Variants in CPZ observed in about 807,000 individuals in gnomAD.
CPZ encodes the protein VEZT/CPZ fusion.
CPZ carries 103 observed loss-of-function variants against 61.8 expected under a neutral mutation model. The ratio of observed to expected loss-of-function variants is 1.67; its 90% CI spans 1.42 to 1.96. The LOEUF is 1.96. Among genes scored for constraint, CPZ ranks in the 30% most tolerant of loss-of-function variants. CPZ has a pLI of 0.00. For missense variants in CPZ, 1,461 were observed against 914.9 expected, an observed-to-expected ratio of 1.60 and a Z score of -7.70; for synonymous variants, 551 against 373.7, an observed-to-expected ratio of 1.47 and a Z score of -5.47.
chr4:8,613,890 G>A (rs1467065363), intron 8 of CPZ, among the ~76,000 whole-genome samples: 1 of 152,244 alleles, frequency 6.6e-6, no homozygotes, highest in Non-Finnish European at 1.5e-5. Flanking sequence ...TTGTCACCAT[G>A]GGGTCTCCAG....
intron 3 of CPZ, 142 bp downstream of exon 3, chr4:8,601,639 A>G: frequency 5.5e-6 from 5 of 909,812 alleles, no homozygotes; most frequent in Non-Finnish European, 7.7e-6. Flanking sequence ...CTGCTCCCCG[A>G]GGCAGCATGT....
At position 8,608,630 on chromosome 4, in the gene CPZ, CTG is replaced by C. The variant is rs564954226; in HGVS notation, c.1227+1208_1227+1209del. ...GAAGACTGCCAGGGCTGCAGGAGGG[CTG>C]TGAGTGCACGTGTGTGCGTGTGCAT... is the stretch of plus-strand genomic sequence containing the variant. On this transcript the variant is annotated intron_variant, in intron 7 of 10. Transcript: ENST00000360986. Among the ~76,000 whole-genome samples the C allele has an allele frequency of 2.1e-3, 18 of 8,432 alleles. No individual in the cohort carries two copies. The East Asian group carries it at 0.061, about 29-fold the overall frequency. 5.5% of individuals were successfully genotyped at this position (8,432 alleles called of 152,430 possible).
chr4:8,595,603 C>T (rs986856234), intron 1 of CPZ, among the ~76,000 whole-genome samples: 7 of 152,232 alleles, frequency 4.6e-5, no homozygotes, highest in African/African-American at 1.4e-4. Context: ...TTGCAGCCCC[C>T]GAGGGCTCCT....
Position 8,618,423 on chromosome 4 carries a change from C to T in CPZ, c.1504-6C>T, listed in dbSNP as rs756882795. The T allele has an allele frequency of 6.8e-6, 11 of 1,613,966 alleles. No individual in the cohort carries two copies. The African/African-American group carries it at 9.3e-5, about 14-fold the overall frequency. ...CATCTCCCTGGCCTCCCCTTGGTCT[C>T]TTCAGGTGCACCGGGGCATCAAAGG... On this transcript the variant is annotated splice_polypyrimidine_tract_variant and splice_region_variant and intron_variant, in intron 9 of 10. Transcript: ENST00000360986.
intron 8 of CPZ, among the ~76,000 whole-genome samples, chr4:8,614,103 C>T (rs148829045): frequency 1.9e-4 from 29 of 152,368 alleles, no homozygotes; most frequent in South Asian, 1.0e-3. Flanking sequence ...CCGCCATCTG[C>T]GGATCTGCAA....
rs749078069 is a variant in CPZ, at chr4:8,606,062, A to C, written c.783A>C (p.Leu261=). ...EVAGREMLIY[L]AQYLCSEYLL... is the part of the protein sequence containing the mutation. ...CGGGCCGGGAGATGCTCATCTACCTAGCCCAGTACCTGTGCTCTGAGTACC... is the reference window on the plus strand; with the variant it reads ...CGGGCCGGGAGATGCTCATCTACCTCGCCCAGTACCTGTGCTCTGAGTACC... Residue 261 remains leucine, a synonymous_variant, in exon 5 of 11, where the codon CTA becomes CTC. Coordinates refer to ENST00000360986, the MANE Select transcript of CPZ (RefSeq NM_001014447.3). The C allele has an allele frequency of 6.2e-7, 1 of 1,614,170 alleles. No individual in the cohort carries two copies. The highest frequency in any genetic ancestry group is 2.2e-5 in the East Asian group (1 of 44,876).
rs149715542 is a variant in CPZ at position 8,606,111 on chromosome 4, C to T, written c.832C>T (p.Arg278Cys). 1.6e-4 allele frequency: 252 copies of T among 1,614,186 alleles called. No individual in the cohort carries two copies. Among genetic ancestry groups the T allele is most frequent in the African/African-American group, 2.0e-4 (15 of 75,054 alleles). Residue 278 changes from arginine to cysteine, a missense_variant, in exon 5 of 11, where the codon CGC becomes TGC. By Grantham distance (180) the Arg-to-Cys change is radical. Transcript: ENST00000360986. The stretch of plus-strand genomic sequence containing the variant: ...CCTGCTTGGTAACCCCCGCATCCAG[C>T]GCCTGCTCAACACCACCCGCATCCA... Reference protein sequence around the residue: ...EYLLGNPRIQRLLNTTRIHLL... With the variant: ...EYLLGNPRIQCLLNTTRIHLL...
At chr4:8,614,620 CCA>C in intron 9 of CPZ, 122 bp downstream of exon 9, 3 of 1,051,400 alleles carry the variant, frequency 2.9e-6, no homozygotes, top group South Asian at 3.5e-5. Context: ...CCTTTTGCCA[CCA>C]CTTGTTTTGG....
At chr4:8,611,383 G>A (rs573468330) in intron 7 of CPZ, 15 of 431,038 alleles carry the variant, frequency 3.5e-5, no homozygotes, top group Non-Finnish European at 7.2e-5. Flanking sequence ...GAAGCCTGTG[G>A]GGAGGGACCC....
intron 7 of CPZ, among the ~76,000 whole-genome samples, chr4:8,611,686 A>G (rs1288683408): frequency 2.0e-5 from 3 of 152,088 alleles, no homozygotes; most frequent in Admixed American, 6.6e-5. Flanking sequence ...TGTCAAGCCA[A>G]CCTGCACACA....
chr4:8,593,412 C>T (rs538590522), intron 1 of CPZ, among the ~76,000 whole-genome samples: 18 of 152,250 alleles, frequency 1.2e-4, no homozygotes, highest in African/African-American at 2.9e-4. Flanking sequence ...TGGGAGGGGG[C>T]GTGGGCCCCC....
At chr4:8,616,620 G>T (rs1716190644) in intron 9 of CPZ, among the ~76,000 whole-genome samples, 1 of 152,194 alleles carries the variant, frequency 6.6e-6, no homozygotes, top group Non-Finnish European at 1.5e-5. Context: ...TCGGCCCGGT[G>T]AGGGGCTGGT....
Position 8,614,478 on chromosome 4 carries a change from C to T in CPZ, c.1483C>T (p.Leu495Phe). ...ACTCTGGCAGCACAACAAGGAGTCACTCCTGAATTTCGTGGAGACGGTGAG... is the reference window on the plus strand; with the variant it reads ...ACTCTGGCAGCACAACAAGGAGTCATTCCTGAATTTCGTGGAGACGGTGAG... ...YILWQHNKES[L>F]LNFVETVHRG... The change falls in exon 9 of 11, where the codon CTC becomes TTC. Residue 495 changes from leucine to phenylalanine, a missense_variant. Coordinates refer to ENST00000360986, the MANE Select transcript of CPZ (RefSeq NM_001014447.3). 3 of 1,613,804 alleles carry T rather than the reference C, an allele frequency of 1.9e-6. No individual in the cohort carries two copies. The highest frequency in any genetic ancestry group is 1.3e-5 in the African/African-American group (1 of 75,044).
chr4:8,612,488 C>G (rs560566857), intron 8 of CPZ, among the ~76,000 whole-genome samples: 1 of 152,146 alleles, frequency 6.6e-6, no homozygotes, highest in Non-Finnish European at 1.5e-5. Context: ...GCTGGACTTC[C>G]AGTTAAATTG....
chr4:8,598,788 C>T (rs933574299), intron 1 of CPZ, among the ~76,000 whole-genome samples: 4 of 152,244 alleles, frequency 2.6e-5, no homozygotes, highest in African/African-American at 2.4e-5. Context: ...TTCTCAGAGG[C>T]CTTACTGTTG....
At position 8,619,392 on chromosome 4, in the gene CPZ, C is replaced by T. The variant is rs746549401; in HGVS notation, c.1734C>T (p.Asp578=). The T allele has an allele frequency of 5.0e-6, 8 of 1,614,202 alleles. No homozygotes were observed. The highest frequency in any genetic ancestry group is 1.7e-5 in the Admixed American group (1 of 60,008). The part of the protein sequence containing the change: ...PARMKRAGRV[D]FILQPLGMGP... ...GGATGAAGAGGGCTGGCCGTGTGGA[C>T]TTCATTCTGCAACCTCTGGGGATGG... Residue 578 remains aspartate, a synonymous_variant, in exon 11 of 11, where the codon GAC becomes GAT. Coordinates refer to ENST00000360986, the MANE Select transcript of CPZ (RefSeq NM_001014447.3).
At position 8,618,578 on chromosome 4, in the gene CPZ, G is replaced by A. The variant is rs769621383; in HGVS notation, c.1603+50G>A. ...TGGGGACCACGTCTGCCAAGGAAAT[G>A]CCACACCGTGGCAGCCGGCACCCTC... On this transcript the variant is annotated intron_variant, in intron 10 of 10. Coordinates refer to ENST00000360986, the MANE Select transcript of CPZ (RefSeq NM_001014447.3). The A allele has an allele frequency of 3.8e-5, 60 of 1,572,366 alleles. 2 individuals carry two copies. In the South Asian group the frequency reaches 6.3e-4, roughly 16 times the overall value.
At chr4:8,618,611 C>A in intron 10 of CPZ, 83 bp downstream of exon 10, 1 of 1,296,436 alleles carries the variant, frequency 7.7e-7, no homozygotes, top group Non-Finnish European at 1.1e-6. Flanking sequence ...CTCAGGCACT[C>A]ACAGTGTGCC....
intron 3 of CPZ, chr4:8,602,068 A>G (rs10019092): frequency 0.06 from 9,215 of 152,512 alleles, 885 homozygotes; most frequent in African/African-American, 0.2. Flanking sequence ...TCAAGGAGGG[A>G]GAGGAGCTGT....
Sources: gnomAD v4.1 joint callset for allele counts (sites outside exome capture counted in the v4.1 genomes callset) on GRCh38, gnomAD v4.1.1 for gene constraint, MANE v1.5 for transcripts, NCBI Gene and HGNC (gene_info 2026-07-23, HGNC 2026-07-21) for gene names.